Variants in FHIT observed in about 807,000 individuals in gnomAD.
FHIT encodes the protein fragile histidine triad diadenosine triphosphatase, also known as bis(5'-adenosyl)-triphosphatase.
A neutral mutation model predicts 17.9 loss-of-function variants in FHIT; 19 were observed. The ratio of observed to expected loss-of-function variants is 1.06; its 90% CI spans 0.74 to 1.56. The LOEUF (loss-of-function observed/expected upper bound fraction) is 1.56, where lower values mean the gene tolerates loss of function less well. Among genes scored for constraint, FHIT ranks in the 40% most tolerant of loss-of-function variants. FHIT has a pLI of 0.00. For missense variants in FHIT, 248 were observed against 189.2 expected (o/e 1.31, Z -1.82); for synonymous variants, 81 against 69.7 (o/e 1.16, Z -0.81).
At chr3:59,912,530 T>C (rs1194018769) in intron 8 of FHIT, among the ~76,000 whole-genome samples, 1 of 151,868 alleles carries the variant, frequency 6.6e-6, no homozygotes. Context: ...AACAATTTTT[T>C]AGAGTCGCTA....
At chr3:59,986,544 C>T (rs1462861249) in intron 7 of FHIT, among the ~76,000 whole-genome samples, 13 of 4,008 alleles carry the variant, frequency 3.2e-3, no homozygotes, top group African/African-American at 4.1e-3. Flanking sequence ...TATATATACA[C>T]ACACACACAC....
At chr3:61,102,651 C>G (rs2035868458) in intron 2 of FHIT, among the ~76,000 whole-genome samples, 1 of 152,148 alleles carries the variant, frequency 6.6e-6, no homozygotes, top group Non-Finnish European at 1.5e-5. Flanking sequence ...CTTTGTATCT[C>G]TGGTAGAATT....
chr3:59,826,274 C>T (rs751962343), intron 8 of FHIT, among the ~76,000 whole-genome samples: 2 of 152,138 alleles, frequency 1.3e-5, no homozygotes, highest in South Asian at 2.1e-4. Flanking sequence ...CGCACCACCA[C>T]GCCCAGCTAA....
chr3:61,124,814 T>G (rs533029343), intron 2 of FHIT, among the ~76,000 whole-genome samples: 17 of 152,206 alleles, frequency 1.1e-4, no homozygotes, highest in Non-Finnish European at 1.9e-4. Flanking sequence ...CAGTTACTCT[T>G]CTAGTAAATG....
chr3:60,084,979 G>A (rs1424058501), intron 5 of FHIT, among the ~76,000 whole-genome samples: 1 of 152,030 alleles, frequency 6.6e-6, no homozygotes, highest in Non-Finnish European at 1.5e-5. Context: ...TTTTCTATAT[G>A]TTGGAGGCAC....
At chr3:59,823,527 T>G (rs772341765) in intron 8 of FHIT, among the ~76,000 whole-genome samples, 1 of 151,848 alleles carries the variant, frequency 6.6e-6, no homozygotes, top group Non-Finnish European at 1.5e-5. Context: ...ATACCAGGGA[T>G]ACAGGGATGG....
chr3:61,205,344 A>T (rs185438177), intron 1 of FHIT, among the ~76,000 whole-genome samples: 1 of 152,234 alleles, frequency 6.6e-6, no homozygotes, highest in East Asian at 1.9e-4. Context: ...CCCAGTAATG[A>T]GATGGCTGAG....
chr3:60,098,097 T>A (rs1293413045), intron 5 of FHIT, among the ~76,000 whole-genome samples: 2 of 150,336 alleles, frequency 1.3e-5, no homozygotes, highest in Non-Finnish European at 3.0e-5. Context: ...TGCCACGTTT[T>A]CTTAATCCAG....
intron 1 of FHIT, among the ~76,000 whole-genome samples, chr3:61,237,711 C>A (rs959693634): frequency 6.6e-6 from 1 of 152,138 alleles, no homozygotes; most frequent in Non-Finnish European, 1.5e-5. Flanking sequence ...TAATTGAAAT[C>A]AATGATTTCA....
At chr3:61,215,983 C>A (rs1387825130) in intron 1 of FHIT, among the ~76,000 whole-genome samples, 2 of 151,520 alleles carry the variant, frequency 1.3e-5, no homozygotes, top group African/African-American at 2.4e-5. Flanking sequence ...ACATCTTATA[C>A]AAATTAATTC....
In FHIT at chr3:60,155,896, A is replaced by C. The variant is rs141153525; in HGVS notation, c.104-141744T>G. Among the ~76,000 whole-genome samples the C allele has an allele frequency of 2.2e-3, 334 of 152,266 alleles. 3 individuals are homozygous for C. The highest frequency in any genetic ancestry group is 3.6e-3 in the Admixed American group (55 of 15,302). On this transcript the variant is annotated intron_variant, in intron 5 of 9. Coordinates refer to ENST00000492590, the MANE Select transcript of FHIT (RefSeq NM_002012.4). Reference sequence around the variant, plus strand: ...TTAGACTCCCTCTCTCTCAGTCCCCAGTGTTACTTATTGCCAAGAGACATA... The same window carrying C: ...TTAGACTCCCTCTCTCTCAGTCCCCCGTGTTACTTATTGCCAAGAGACATA...
chr3:60,827,671 G>A (rs1702176849), intron 3 of FHIT, among the ~76,000 whole-genome samples: 1 of 152,208 alleles, frequency 6.6e-6, no homozygotes, highest in African/African-American at 2.4e-5. Context: ...AACAAATGAA[G>A]TATGTGATAC....
At chr3:61,087,214 T>A (rs72877855) in intron 2 of FHIT, among the ~76,000 whole-genome samples, 1,563 of 152,252 alleles carry the variant, frequency 0.01, 20 homozygotes, top group African/African-American at 0.034. Flanking sequence ...ATAATGAAAT[T>A]AAGCCAACAG....
intron 2 of FHIT, among the ~76,000 whole-genome samples, chr3:61,137,730 C>T (rs548151232): frequency 1.3e-5 from 2 of 152,270 alleles, no homozygotes; most frequent in Non-Finnish European, 2.9e-5. Flanking sequence ...CATAGAGATA[C>T]TTCTCAGAGC....
chr3:60,238,402 T>G (rs1704927051), intron 5 of FHIT, among the ~76,000 whole-genome samples: 2 of 148,764 alleles, frequency 1.3e-5, no homozygotes, highest in Admixed American at 1.3e-4. Flanking sequence ...AAGCCATGGT[T>G]TTATTATCTT....
intron 5 of FHIT, among the ~76,000 whole-genome samples, chr3:60,286,369 A>G (rs1213372873): frequency 7.2e-5 from 11 of 152,210 alleles, no homozygotes. Context: ...TTTTTCCCTC[A>G]AACAAATGTA....
chr3:60,543,726 G>C (rs2036260333), intron 4 of FHIT, among the ~76,000 whole-genome samples: 1 of 151,772 alleles, frequency 6.6e-6, no homozygotes, highest in Non-Finnish European at 1.5e-5. Context: ...AATGGTTTCT[G>C]CTGATTCTCT....
chr3:60,927,840 C>T (rs1190086885), intron 3 of FHIT, among the ~76,000 whole-genome samples: 10 of 152,164 alleles, frequency 6.6e-5, no homozygotes, highest in East Asian at 3.9e-4. Flanking sequence ...CAGGCCATGA[C>T]GATGATGGCG....
chr3:60,725,557 G>C (rs1361231203), intron 4 of FHIT, among the ~76,000 whole-genome samples: 2 of 152,096 alleles, frequency 1.3e-5, no homozygotes, highest in African/African-American at 4.8e-5. Context: ...CATAGTTTCA[G>C]GTAATTTTTG....
Sources: gnomAD v4.1 joint callset for allele counts (sites outside exome capture counted in the v4.1 genomes callset) on GRCh38, gnomAD v4.1.1 for gene constraint, MANE v1.5 for transcripts, NCBI Gene and HGNC (gene_info 2026-07-23, HGNC 2026-07-21) for gene names.